CADPS: variants seen among roughly 807,000 people sequenced by gnomAD.
CADPS encodes the protein calcium dependent secretion activator, also known as calcium-dependent secretion activator 1.
In CADPS, 57 loss-of-function variants were observed where a neutral mutation model predicts 167.3. That is an observed-to-expected ratio of 0.34 (90% CI 0.28 to 0.42). The LOEUF is 0.42. Among genes scored for constraint, CADPS ranks in the 20% least tolerant of loss-of-function variants. CADPS has a pLI of 1.00. For synonymous variants in CADPS, 676 were observed against 635.3 expected (o/e 1.06, Z -0.96); for missense variants, 1,414 against 1,738.1 (o/e 0.81, Z 3.32).
At chr3:62,760,340 C>T (rs2085093182) in intron 2 of CADPS, among the ~76,000 whole-genome samples, 2 of 152,100 alleles carry the variant, frequency 1.3e-5, no homozygotes, top group South Asian at 4.1e-4. Context: ...AGCTGAGGTC[C>T]CAGAGTCAGT....
At position 62,404,216 on chromosome 3, in the gene CADPS, C is replaced by T. The variant is rs1575574338; in HGVS notation, c.3778-1031G>A. On this transcript the variant is annotated intron_variant, in intron 28 of 29. Transcript: ENST00000383710. Reference sequence around the variant, plus strand: ...TTATAGGGGATCTATATGAACTGTGCACAGAAAAGATGCAAAAAAGAAAGA... The same window carrying T: ...TTATAGGGGATCTATATGAACTGTGTACAGAAAAGATGCAAAAAAGAAAGA... The T allele has an allele frequency of 5.2e-5, 8 of 152,566 alleles. 1 individual carries two copies. Among genetic ancestry groups the T allele is most frequent in the Admixed American group, 5.2e-4 (8 of 15,280 alleles). The allele number at this position is 152,566 out of a possible 1,614,324, so 9.5% of individuals were successfully genotyped here.
intron 24 of CADPS, among the ~76,000 whole-genome samples, chr3:62,468,278 C>G (rs2060177073): frequency 6.6e-6 from 1 of 152,110 alleles, no homozygotes; most frequent in Non-Finnish European, 1.5e-5. Context: ...CATATGACTG[C>G]CTCACTCGTC....
chr3:62,645,825 G>A lies in CADPS; in HGVS notation c.1222C>T (p.Gln408Ter). The change falls in exon 6 of 30, where the codon CAA becomes TAA. Residue 408 changes from glutamine to a stop codon, truncating the protein, a stop_gained. Coordinates refer to ENST00000383710, the MANE Select transcript of CADPS (RefSeq NM_003716.4). LOFTEE classifies it high-confidence loss of function. Reference protein sequence around the residue: ...FSLEVVIMEVQGLKSLAPNRI... With the variant: ...FSLEVVIMEV ...TTTGGAGCCAAAGATTTGAGGCCTTGGACTTCCATAATTACCACCTGAAAA... is the reference window on the plus strand; with the variant it reads ...TTTGGAGCCAAAGATTTGAGGCCTTAGACTTCCATAATTACCACCTGAAAA... 1 of 1,614,020 alleles carries A rather than the reference G, an allele frequency of 6.2e-7. No homozygotes were observed. The highest frequency in any genetic ancestry group is 8.5e-7 in the Non-Finnish European group (1 of 1,179,950).
intron 1 of CADPS, among the ~76,000 whole-genome samples, chr3:62,776,813 G>A (rs751544819): frequency 3.4e-4 from 52 of 152,252 alleles, no homozygotes; most frequent in Non-Finnish European, 5.6e-4. Context: ...GCAGAGGCAG[G>A]GATAGCTGGG....
intron 1 of CADPS, among the ~76,000 whole-genome samples, chr3:62,823,982 C>A (rs1047273094): frequency 1.3e-5 from 2 of 152,022 alleles, no homozygotes; most frequent in Non-Finnish European, 1.5e-5. Flanking sequence ...CATCTGACTT[C>A]TCCTCTTTGC....
In CADPS at chr3:62,597,632, C is replaced by T. The variant is rs75774451; in HGVS notation, c.1326-4884G>A. Among the ~76,000 whole-genome samples, 348 of 152,224 alleles carry T rather than the reference C, an allele frequency of 2.3e-3. 1 individual carries two copies. The highest frequency in any genetic ancestry group is 7.2e-3 in the African/African-American group (301 of 41,534). On this transcript the variant is annotated intron_variant, in intron 6 of 29. Coordinates refer to ENST00000383710, the MANE Select transcript of CADPS (RefSeq NM_003716.4). Reference sequence around the variant, plus strand: ...ACCCAAAGATGCTCAGCTCATAAGGCGTGTAACAAGAGTCTGACTGTGGGG... The same window carrying T: ...ACCCAAAGATGCTCAGCTCATAAGGTGTGTAACAAGAGTCTGACTGTGGGG...
intron 3 of CADPS, among the ~76,000 whole-genome samples, chr3:62,710,513 A>T (rs1482408159): frequency 6.6e-6 from 1 of 152,132 alleles, no homozygotes; most frequent in Non-Finnish European, 1.5e-5. Context: ...TTATATATGG[A>T]TCCACACATT....
At chr3:62,427,968 C>T (rs2053103975) in intron 28 of CADPS, among the ~76,000 whole-genome samples, 1 of 152,196 alleles carries the variant, frequency 6.6e-6, no homozygotes, top group South Asian at 2.1e-4. Context: ...CTGGGCAAGA[C>T]CTGGAGCTTT....
At chr3:62,498,229 GTC>G in intron 18 of CADPS, 1 of 456,370 alleles carries the variant, frequency 2.2e-6, no homozygotes, top group Non-Finnish European at 4.4e-6. Flanking sequence ...TCAGGCATTA[GTC>G]GGGACGGCTG....
At chr3:62,663,503 T>A (rs2073775955) in intron 3 of CADPS, among the ~76,000 whole-genome samples, 1 of 151,950 alleles carries the variant, frequency 6.6e-6, no homozygotes. Context: ...ATTCCTCTTT[T>A]TAGTATATAT....
At chr3:62,620,146 G>C (rs891936557) in intron 6 of CADPS, among the ~76,000 whole-genome samples, 1 of 152,080 alleles carries the variant, frequency 6.6e-6, no homozygotes, top group Admixed American at 6.6e-5. Context: ...GTATTGGAAA[G>C]AGAATCACTT....
chr3:62,619,645 A>G (rs1224675974), intron 6 of CADPS, among the ~76,000 whole-genome samples: 3 of 152,156 alleles, frequency 2.0e-5, no homozygotes, highest in Non-Finnish European at 4.4e-5. Flanking sequence ...TTAGAGAGAC[A>G]ATAGCAATCA....
At chr3:62,592,576 C>G in intron 7 of CADPS, 61 bp downstream of exon 7, 1 of 1,304,990 alleles carries the variant, frequency 7.7e-7, no homozygotes, top group Non-Finnish European at 1.1e-6. Flanking sequence ...GACCTGTGCA[C>G]TGGAGACCTA....
At chr3:62,664,220 T>A (rs1372729483) in intron 3 of CADPS, among the ~76,000 whole-genome samples, 1 of 152,352 alleles carries the variant, frequency 6.6e-6, no homozygotes, top group East Asian at 1.9e-4. Flanking sequence ...TTGGCCAGAC[T>A]GGTCTGCGAA....
chr3:62,729,840 C>T (rs528900801), intron 3 of CADPS, among the ~76,000 whole-genome samples: 1 of 151,834 alleles, frequency 6.6e-6, no homozygotes, highest in South Asian at 2.1e-4. Context: ...GTGCTGCCTG[C>T]CAAGTATTTC....
chr3:62,402,246 G>GGT (rs1706594992), intron 29 of CADPS, among the ~76,000 whole-genome samples: 1 of 134,056 alleles, frequency 7.5e-6, no homozygotes, highest in African/African-American at 2.7e-5. Context: ...GGGCGGGGGG[G>GGT]GGGGGTGCCC....
intron 13 of CADPS, among the ~76,000 whole-genome samples, chr3:62,525,882 G>C (rs1234867858): frequency 6.6e-6 from 1 of 152,072 alleles, no homozygotes; most frequent in Non-Finnish European, 1.5e-5. Context: ...TGGAGGCAAG[G>C]GCACAGTCAA....
intron 8 of CADPS, among the ~76,000 whole-genome samples, chr3:62,574,659 G>C (rs1385939822): frequency 6.6e-6 from 1 of 152,202 alleles, no homozygotes; most frequent in Non-Finnish European, 1.5e-5. Context: ...TTATTGGCTT[G>C]TAACAGTTAA....
At chr3:62,613,915 ATCTC>A (rs2061863871) in intron 6 of CADPS, among the ~76,000 whole-genome samples, 1 of 151,894 alleles carries the variant, frequency 6.6e-6, no homozygotes, top group African/African-American at 2.4e-5. Context: ...AAGAGGAGAG[ATCTC>A]TCTCTATGCT....
Sources: gnomAD v4.1 joint callset for allele counts (sites outside exome capture counted in the v4.1 genomes callset) on GRCh38, gnomAD v4.1.1 for gene constraint, MANE v1.5 for transcripts, NCBI Gene and HGNC (gene_info 2026-07-23, HGNC 2026-07-21) for gene names.